Variants in FRMPD1 observed in about 807,000 individuals in gnomAD.
FRMPD1 encodes FERM and PDZ domain containing 1.
In FRMPD1, 76 loss-of-function variants were observed where a neutral mutation model predicts 117.8. The observed-to-expected ratio is 0.65, with a 90% CI of 0.54 to 0.78. The LOEUF is 0.78. FRMPD1 is among the 30% of genes least tolerant of loss of function. The pLI is 0.00. For synonymous variants in FRMPD1, 783 were observed against 770.4 expected (o/e 1.02, Z -0.27); for missense variants, 1,786 against 1,964.5 (o/e 0.91, Z 1.72).
chr9:37,688,070 G>A (rs1362893266), intron 1 of FRMPD1, among the ~76,000 whole-genome samples: 9 of 152,022 alleles, frequency 5.9e-5, no homozygotes, highest in Admixed American at 5.2e-4. Context: ...TGAGTTGGAT[G>A]CTTGAAGTAG....
upstream of FRMPD1, among the ~76,000 whole-genome samples, chr9:37,647,247 T>C (rs915074014): frequency 2.6e-5 from 4 of 152,060 alleles, no homozygotes; most frequent in African/African-American, 9.7e-5. Context: ...CGGTGGCTCA[T>C]ACCTGTAATC....
chr9:37,718,265 G>A (rs1823237597), intron 5 of FRMPD1, among the ~76,000 whole-genome samples: 1 of 152,156 alleles, frequency 6.6e-6, no homozygotes. Flanking sequence ...ACAGAACGTG[G>A]CCCAGAGTTT....
Position 37,732,342 on chromosome 9 carries a change from A to G in FRMPD1, c.897A>G (p.Glu299=). The change falls in exon 10 of 16, where the codon GAA becomes GAG. Residue 299 remains glutamate, a synonymous_variant. Coordinates refer to ENST00000377765, the MANE Select transcript of FRMPD1 (RefSeq NM_014907.3). ...TGCTCCAGGAGCGCTTTGCTGTAGAAATGAAATGTAGCTCTGCACTCCGAC... is the reference window on the plus strand; with the variant it reads ...TGCTCCAGGAGCGCTTTGCTGTAGAGATGAAATGTAGCTCTGCACTCCGAC... ...SDVLQERFAV[E]MKCSSALRLA... The G allele has an allele frequency of 6.2e-7, 1 of 1,613,876 alleles. No individual in the cohort carries two copies.
upstream of FRMPD1, among the ~76,000 whole-genome samples, chr9:37,648,646 T>C (rs1364152846): frequency 1.3e-5 from 2 of 152,094 alleles, no homozygotes; most frequent in Non-Finnish European, 2.9e-5. Flanking sequence ...CAGAGTTGAT[T>C]GGACTTAGTG....
Position 37,732,409 on chromosome 9 carries a change from C to T in FRMPD1, c.964C>T (p.Gln322Ter). Reference protein sequence around the residue: ...HIQERIYACAQPQKISLKYIE... With the variant: ...HIQERIYACA Reference sequence around the variant, plus strand: ...CCAGGAACGGATCTACGCCTGTGCCCAGCCACAGAAGATCTCTTTAAAGTA... The same window carrying T: ...CCAGGAACGGATCTACGCCTGTGCCTAGCCACAGAAGATCTCTTTAAAGTA... The change falls in exon 10 of 16, where the codon CAG becomes TAG. Residue 322 changes from glutamine to a stop codon, truncating the protein, a stop_gained. Transcript: ENST00000377765. LOFTEE classifies it high-confidence loss of function. 1.2e-6 allele frequency: 2 copies of T among 1,613,488 alleles called. No individual in the cohort carries two copies. The highest frequency in any genetic ancestry group is 8.5e-7 in the Non-Finnish European group (1 of 1,179,866).
intron 1 of FRMPD1, among the ~76,000 whole-genome samples, 179 bp from the exon 2 acceptor site, chr9:37,692,459 G>C (rs1463100808): frequency 6.6e-6 from 1 of 152,158 alleles, no homozygotes; most frequent in Admixed American, 6.5e-5. Flanking sequence ...GGTTGCTAAA[G>C]TTGTTCACTC....
chr9:37,689,768 T>G (rs971183048), intron 1 of FRMPD1, among the ~76,000 whole-genome samples: 3 of 152,328 alleles, frequency 2.0e-5, no homozygotes, highest in Non-Finnish European at 1.5e-5. Flanking sequence ...TGTACTTGAT[T>G]GGTAGTTTGA....
chr9:37,714,472 G>A (rs1005437315), intron 5 of FRMPD1, among the ~76,000 whole-genome samples: 6 of 152,148 alleles, frequency 3.9e-5, no homozygotes, highest in Non-Finnish European at 7.4e-5. Flanking sequence ...GTCTCTCAGG[G>A]AGAACTGGCA....
the FRMPD1 span, among the ~76,000 whole-genome samples, chr9:37,612,855 G>A: frequency 6.6e-6 from 1 of 152,120 alleles, no homozygotes; most frequent in Non-Finnish European, 1.5e-5. Context: ...AAGTGACTAC[G>A]AGAACCTGGT....
At chr9:37,689,907 CT>C (rs545091276) in intron 1 of FRMPD1, among the ~76,000 whole-genome samples, 1 of 151,286 alleles carries the variant, frequency 6.6e-6, no homozygotes, top group Non-Finnish European at 1.5e-5. Flanking sequence ...TGTATGTAAT[CT>C]TTTTTTTTCC....
the FRMPD1 span, among the ~76,000 whole-genome samples, chr9:37,605,712 T>TTATC: frequency 1.3e-5 from 2 of 151,582 alleles, no homozygotes; most frequent in African/African-American, 4.9e-5. Flanking sequence ...ATTTATTTAT[T>TTATC]TATTTATTTA....
At chr9:37,611,675 C>G in the FRMPD1 span, among the ~76,000 whole-genome samples, 43 of 148,122 alleles carry the variant, frequency 2.9e-4, no homozygotes, top group Non-Finnish European at 5.2e-4. Context: ...TTTGAGCCTC[C>G]AGGTAATACA....
chr9:37,685,439 C>T (rs376449482), intron 1 of FRMPD1, among the ~76,000 whole-genome samples: 195 of 151,632 alleles, frequency 1.3e-3, no homozygotes, highest in Middle Eastern at 3.4e-3. Flanking sequence ...GTCAGGAGAT[C>T]GAGACTATCC....
the FRMPD1 span, among the ~76,000 whole-genome samples, chr9:37,603,923 G>A: frequency 3.9e-5 from 6 of 151,986 alleles, no homozygotes; most frequent in African/African-American, 7.3e-5. Flanking sequence ...CAGGTGATCC[G>A]CCCACCTCAG....
At chr9:37,690,813 T>G (rs753617063) in intron 1 of FRMPD1, among the ~76,000 whole-genome samples, 2 of 152,086 alleles carry the variant, frequency 1.3e-5, no homozygotes, top group Non-Finnish European at 2.9e-5. Flanking sequence ...AATATTGAGG[T>G]GCTGGTATCT....
chr9:37,723,515 G>GT (rs1230170994), intron 6 of FRMPD1, among the ~76,000 whole-genome samples: 1 of 152,216 alleles, frequency 6.6e-6, no homozygotes, highest in Non-Finnish European at 1.5e-5. Flanking sequence ...AACCAGGCAG[G>GT]TCCAGACAGC....
chr9:37,615,000 GA>G, the FRMPD1 span, among the ~76,000 whole-genome samples: 1 of 152,206 alleles, frequency 6.6e-6, no homozygotes, highest in Non-Finnish European at 1.5e-5. Flanking sequence ...CTATAATAGG[GA>G]GATACCTGTC....
At chr9:37,608,802 T>C in the FRMPD1 span, among the ~76,000 whole-genome samples, 1 of 152,256 alleles carries the variant, frequency 6.6e-6, no homozygotes, top group Non-Finnish European at 1.5e-5. Flanking sequence ...GGGGGCGTAT[T>C]GTGTGCTAGG....
intron 13 of FRMPD1, 25 bp from the exon 14 acceptor site, chr9:37,737,071 A>G (rs1211531609): frequency 6.3e-7 from 1 of 1,597,422 alleles, no homozygotes; most frequent in Admixed American, 1.7e-5. Flanking sequence ...CTTGATAAAC[A>G]TGAGATTTCT....
Sources: gnomAD v4.1 joint callset for allele counts (sites outside exome capture counted in the v4.1 genomes callset) on GRCh38, gnomAD v4.1.1 for gene constraint, MANE v1.5 for transcripts, NCBI Gene and HGNC (gene_info 2026-07-23, HGNC 2026-07-21) for gene names.